TAMM41: variants seen among roughly 807,000 people sequenced by gnomAD.
TAMM41 encodes the protein TAM41 mitochondrial translocator assembly and maintenance homolog, also known as phosphatidate cytidylyltransferase, mitochondrial.
TAMM41 carries 36 observed loss-of-function variants against 44.1 expected under a neutral mutation model. The ratio of observed to expected loss-of-function variants is 0.82; its 90% CI spans 0.63 to 1.08. TAMM41 has a LOEUF of 1.08. TAMM41 is among the 50% of genes least tolerant of loss of function. The pLI, the probability that TAMM41 is intolerant of heterozygous loss-of-function variation, is 0.00. For synonymous variants in TAMM41, 164 were observed against 153.1 expected (o/e 1.07, Z -0.53); for missense variants, 417 against 404.3 (o/e 1.03, Z -0.27).
the TAMM41 span, among the ~76,000 whole-genome samples, chr3:11,774,932 G>A: frequency 9.4e-5 from 14 of 148,710 alleles, no homozygotes; most frequent in African/African-American, 3.5e-4. Context: ...GCAGTGGTGC[G>A]ATCTCGGCTT....
chr3:11,814,630 A>T (rs1404697517), intron 5 of TAMM41, among the ~76,000 whole-genome samples: 3 of 152,200 alleles, frequency 2.0e-5, no homozygotes, highest in Non-Finnish European at 2.9e-5. Flanking sequence ...TAATAAAAAA[A>T]ATTCCTTAGA....
intron 7 of TAMM41, among the ~76,000 whole-genome samples, chr3:11,797,031 T>C (rs1053308286): frequency 6.6e-6 from 1 of 152,180 alleles, no homozygotes; most frequent in African/African-American, 2.4e-5. Flanking sequence ...CCCATGTTCA[T>C]AGATAGAAAG....
chr3:11,801,370 C>T (rs2077749476), intron 7 of TAMM41, among the ~76,000 whole-genome samples: 1 of 152,100 alleles, frequency 6.6e-6, no homozygotes, highest in African/African-American at 2.4e-5. Flanking sequence ...CTTACTGTGT[C>T]ACCCAGGCTG....
chr3:11,722,989 G>A, the TAMM41 span, among the ~76,000 whole-genome samples: 2 of 152,066 alleles, frequency 1.3e-5, no homozygotes, highest in Admixed American at 6.6e-5. Flanking sequence ...TGGGGATGGT[G>A]GCTCACACCT....
rs1345821604 is a variant in TAMM41, at chr3:11,794,135, C to G, written c.938-3554G>C. ...AGACTTCTACTTGGTCTACACTAAG[C>G]TTACTTTCTTCAATTTTTTTTTTTT... On this transcript the variant is annotated intron_variant, in intron 7 of 7. Coordinates refer to ENST00000455809, the MANE Select transcript of TAMM41 (RefSeq NM_001284401.2). 2.0e-5 allele frequency among the ~76,000 whole-genome samples: 3 copies of G among 147,498 alleles called. No homozygotes were observed. In the East Asian group the frequency reaches 5.9e-4, roughly 29 times the overall value.
Position 11,846,771 on chromosome 3 carries a change from G to T in TAMM41, c.-135C>A. On this transcript the variant is annotated 5_prime_UTR_variant, in exon 1 of 8. Transcript: ENST00000455809. ...TCGAGGGACACAAGGCTGAGTGTGG[G>T]GTGGGACTGCAAGCACACGCAAGGA... 2 of 1,159,952 alleles carry T rather than the reference G, an allele frequency of 1.7e-6. No homozygotes were observed. Among genetic ancestry groups the T allele is most frequent in the Admixed American group, 2.1e-5 (1 of 47,812 alleles). 71.9% of individuals were successfully genotyped at this position (1,159,952 alleles called of 1,614,324 possible). A position where few individuals can be genotyped will look rare whatever the true frequency, so the allele number is the denominator to read the frequency against.
intron 5 of TAMM41, chr3:11,810,012 C>T (rs2124959930): frequency 4.6e-6 from 1 of 215,102 alleles, no homozygotes; most frequent in East Asian, 1.3e-4. Flanking sequence ...AGTGGTGCTG[C>T]AGTTGACACT....
the TAMM41 span, among the ~76,000 whole-genome samples, chr3:11,776,512 C>A: frequency 6.6e-6 from 1 of 152,148 alleles, no homozygotes. Flanking sequence ...ACTGTGTTAA[C>A]AACTGCCTCG....
chr3:11,814,191 C>G (rs2078197837), intron 5 of TAMM41, among the ~76,000 whole-genome samples: 1 of 150,632 alleles, frequency 6.6e-6, no homozygotes, highest in Non-Finnish European at 1.5e-5. Context: ...TTGATTAATT[C>G]ATTAATTAAT....
chr3:11,811,709 T>C (rs1013602475), intron 5 of TAMM41: 1 of 152,216 alleles, frequency 6.6e-6, no homozygotes, highest in Non-Finnish European at 1.5e-5. Flanking sequence ...AAAAACTTTA[T>C]ATGATTCCAT....
At chr3:11,794,889 A>G (rs2077568419) in intron 7 of TAMM41, among the ~76,000 whole-genome samples, 1 of 152,204 alleles carries the variant, frequency 6.6e-6, no homozygotes, top group Admixed American at 6.5e-5. Context: ...CTTCCAGTTC[A>G]TTTCCAACCA....
intron 4 of TAMM41, among the ~76,000 whole-genome samples, chr3:11,824,485 G>T (rs2078661866): frequency 6.6e-6 from 1 of 151,576 alleles, no homozygotes; most frequent in Non-Finnish European, 1.5e-5. Flanking sequence ...GTAGAGATGG[G>T]GTTTCATCAT....
the TAMM41 span, among the ~76,000 whole-genome samples, chr3:11,756,608 G>A: frequency 6.6e-6 from 1 of 152,186 alleles, no homozygotes; most frequent in Non-Finnish European, 1.5e-5. Flanking sequence ...GCTCATGCCT[G>A]TAATCTCAGC....
chr3:11,731,025 C>T, the TAMM41 span, among the ~76,000 whole-genome samples: 47 of 152,214 alleles, frequency 3.1e-4, no homozygotes, highest in Admixed American at 9.8e-4. Context: ...GGGGATGACT[C>T]CTACTTAGAA....
rs769989273 is a variant in TAMM41 at position 11,809,698 on chromosome 3, A to AAAAGACGAC, written c.709-25_709-17dup. The AAAAGACGAC allele has an allele frequency of 3.1e-6, 5 of 1,589,886 alleles. No homozygotes were observed. In the South Asian group the frequency reaches 4.7e-5, roughly 15 times the overall value. On this transcript the variant is annotated splice_polypyrimidine_tract_variant and intron_variant, in intron 5 of 7. Transcript: ENST00000455809. Reference sequence around the variant, plus strand: ...TTTTATCTATCTGAAGGGAGGAAAAAAAAGACGACGTCTATGGAAGTGCTT... The same window carrying AAAAGACGAC: ...TTTTATCTATCTGAAGGGAGGAAAAAAAAGACGACAAAGACGACGTCTATGGAAGTGCTT...
chr3:11,841,711 G>A (rs1313426105), intron 2 of TAMM41, among the ~76,000 whole-genome samples: 1 of 152,170 alleles, frequency 6.6e-6, no homozygotes, highest in Non-Finnish European at 1.5e-5. Context: ...GCAGAAGGCT[G>A]TGCTGAGTGT....
At chr3:11,833,503 C>A (rs2079064034) in intron 3 of TAMM41, among the ~76,000 whole-genome samples, 1 of 152,180 alleles carries the variant, frequency 6.6e-6, no homozygotes, top group Non-Finnish European at 1.5e-5. Flanking sequence ...AGGTTTAACT[C>A]TTCTAAATAG....
At chr3:11,755,176 A>C in the TAMM41 span, among the ~76,000 whole-genome samples, 19 of 152,084 alleles carry the variant, frequency 1.2e-4, no homozygotes, top group Admixed American at 5.9e-4. Flanking sequence ...CCTGGATAAC[A>C]AAGGGTGGAC....
Position 11,846,758 on chromosome 3 carries a change from A to G in TAMM41, c.-122T>C. On this transcript the variant is annotated 5_prime_UTR_variant, in exon 1 of 8. Transcript: ENST00000455809. ...GTCGGAGACTGGATCGAGGGACACA[A>G]GGCTGAGTGTGGGGTGGGACTGCAA... 7.7e-7 allele frequency: 1 copy of G among 1,290,390 alleles called. No homozygotes were observed. The highest frequency in any genetic ancestry group is 1.3e-5 in the South Asian group (1 of 74,808). 79.9% of individuals were successfully genotyped at this position (1,290,390 alleles called of 1,614,324 possible).
Sources: gnomAD v4.1 joint callset for allele counts (sites outside exome capture counted in the v4.1 genomes callset) on GRCh38, gnomAD v4.1.1 for gene constraint, MANE v1.5 for transcripts, NCBI Gene and HGNC (gene_info 2026-07-23, HGNC 2026-07-21) for gene names.